The following NUP93 variants were observed in gnomAD, a reference collection of about 807,000 sequenced individuals.
The protein encoded by NUP93 is nucleoporin 93, also known as nuclear pore complex protein Nup93.
In NUP93, 55 loss-of-function variants were observed where a neutral mutation model predicts 107.8. The ratio of observed to expected loss-of-function variants is 0.51; its 90% confidence interval spans 0.41 to 0.64. NUP93 has a LOEUF of 0.64. Ranked by LOEUF, NUP93 falls within the 30% of genes least tolerant of loss-of-function variation. NUP93 has a pLI of 0.00. For missense variants in NUP93, 937 were observed against 1,044.7 expected (o/e 0.90, Z 1.42); for synonymous variants, 390 against 397.5 (o/e 0.98, Z 0.22).
chr16:56,830,430 CAT>C, intron 9 of NUP93, 96 bp from the exon 10 acceptor site: 1 of 1,139,062 alleles, frequency 8.8e-7, no homozygotes, highest in Non-Finnish European at 1.2e-6. Context: ...GATTAAGTGA[CAT>C]ATTATAAAGG....
intron 2 of NUP93, among the ~76,000 whole-genome samples, chr16:56,752,879 G>T (rs1386310945): frequency 6.6e-6 from 1 of 152,018 alleles, no homozygotes; most frequent in Admixed American, 6.6e-5. Flanking sequence ...TTTCAACAAG[G>T]GTACCTAGAC....
chr16:56,754,600 C>T (rs1961984085), intron 2 of NUP93, among the ~76,000 whole-genome samples: 1 of 152,260 alleles, frequency 6.6e-6, no homozygotes. Flanking sequence ...CATGCTTTGG[C>T]TCTGCAGGGT....
At chr16:56,815,196 C>T (rs1331796170) in intron 5 of NUP93, among the ~76,000 whole-genome samples, 2 of 152,148 alleles carry the variant, frequency 1.3e-5, no homozygotes, top group Non-Finnish European at 2.9e-5. Flanking sequence ...CAACTGTGTC[C>T]TTGCAAAAAT....
At chr16:56,842,964 G>A (rs1335285841) in intron 21 of NUP93, among the ~76,000 whole-genome samples, 1 of 152,172 alleles carries the variant, frequency 6.6e-6, no homozygotes, top group Admixed American at 6.5e-5. Flanking sequence ...CAGCCAAGAA[G>A]CCTTGATCTG....
intron 3 of NUP93, among the ~76,000 whole-genome samples, chr16:56,788,064 C>G: frequency 6.6e-6 from 1 of 152,192 alleles, no homozygotes; most frequent in South Asian, 2.1e-4. Flanking sequence ...TTAGCCCTAA[C>G]CTTTTTGGAG....
At chr16:56,733,224 C>A (rs1036760501) in intron 1 of NUP93, among the ~76,000 whole-genome samples, 1 of 151,990 alleles carries the variant, frequency 6.6e-6, no homozygotes, top group Non-Finnish European at 1.5e-5. Context: ...ATGGAGAGCA[C>A]CCTTTATAGC....
chr16:56,839,459 T>C, intron 19 of NUP93, 62 bp from the exon 20 acceptor site: 3 of 1,357,494 alleles, frequency 2.2e-6, no homozygotes, highest in Non-Finnish European at 3.1e-6. Flanking sequence ...TGACTTTACA[T>C]GTAGAGAGAT....
In NUP93 at chr16:56,827,044, C is replaced by CAAAAAAAAAAAAAAAAAAAAAAA. The variant is rs1188027635; in HGVS notation, c.795-1930_795-1908dup. Among the ~76,000 whole-genome samples the CAAAAAAAAAAAAAAAAAAAAAAA allele has an allele frequency of 9.7e-4, 52 of 53,596 alleles. 2 individuals carry two copies. The highest frequency in any genetic ancestry group is 2.4e-3 in the South Asian group (3 of 1,248). 35.2% of individuals were successfully genotyped at this position (53,596 alleles called of 152,430 possible). A position where few individuals can be genotyped will look rare whatever the true frequency, so the allele number is the denominator to read the frequency against. On this transcript the variant is annotated intron_variant, in intron 8 of 21. Transcript: ENST00000308159. ...CTGGGGATGGAATGAGACTCCGTCT[C>CAAAAAAAAAAAAAAAAAAAAAAA]AAAAAAAAAAAAAAAAAAAAAAAAA... is the stretch of plus-strand genomic sequence containing the variant.
intron 5 of NUP93, among the ~76,000 whole-genome samples, chr16:56,816,734 G>A (rs1963440908): frequency 6.6e-6 from 1 of 152,116 alleles, no homozygotes; most frequent in African/African-American, 2.4e-5. Flanking sequence ...ATTCAGTGGT[G>A]TATAGGGATC....
intron 5 of NUP93, among the ~76,000 whole-genome samples, chr16:56,808,565 A>AATACATTTATATAAATATTTATAAATAT (rs1567398923): frequency 2.9e-4 from 36 of 125,510 alleles, no homozygotes; most frequent in African/African-American, 1.1e-3. Context: ...AAAATATATA[A>AATACATTTATATAAATATTTATAAATAT]ATACATTTAT....
chr16:56,795,943 G>A (rs1962888475), intron 3 of NUP93, among the ~76,000 whole-genome samples: 1 of 151,928 alleles, frequency 6.6e-6, no homozygotes, highest in South Asian at 2.1e-4. Flanking sequence ...CACCGCGCTC[G>A]GCCATGGAGT....
chr16:56,737,790 A>G (rs1426545128), intron 1 of NUP93, among the ~76,000 whole-genome samples: 1 of 152,214 alleles, frequency 6.6e-6, no homozygotes, highest in Non-Finnish European at 1.5e-5. Flanking sequence ...TGTAAATGCA[A>G]TGGTTTTAAA....
At chr16:56,768,043 G>T (rs1323461668) in intron 3 of NUP93, among the ~76,000 whole-genome samples, 1 of 152,144 alleles carries the variant, frequency 6.6e-6, no homozygotes, top group African/African-American at 2.4e-5. Context: ...TTAAAATGGG[G>T]TTTGTTAGCT....
chr16:56,832,458 G>A (rs1383993202), intron 12 of NUP93, 70 bp downstream of exon 12: 1 of 1,276,712 alleles, frequency 7.8e-7, no homozygotes, highest in Non-Finnish European at 1.1e-6. Context: ...GTTTTCCTCT[G>A]GGAAAATTTT....
intron 10 of NUP93, chr16:56,831,409 T>A (rs1158832021): frequency 6.4e-6 from 1 of 155,962 alleles, no homozygotes; most frequent in Non-Finnish European, 1.4e-5. Context: ...AAAGTAGGGT[T>A]AATGTCTTAA....
In NUP93 at chr16:56,818,650, G is replaced by A. The variant is rs377325706; in HGVS notation, c.490-14G>A. 5.0e-6 allele frequency: 8 copies of A among 1,609,302 alleles called. No individual in the cohort carries two copies. The African/African-American group carries it at 8.0e-5, about 16-fold the overall frequency. ...ACTGTCCCTAACTGATTCTGAATGT[G>A]TATTTATCCACAGCCAAGCTACATC... On this transcript the variant is annotated splice_polypyrimidine_tract_variant and intron_variant, in intron 5 of 21. Transcript: ENST00000308159.
Position 56,805,642 on chromosome 16 carries a change from A to T in NUP93, c.489+10A>T, listed in dbSNP as rs768014815. ...TACTCAAGAAAGCGAGGTAGCTTGA[A>T]TGCAAAAGATAAACTACTGTTAATA... is the stretch of plus-strand genomic sequence containing the variant. On this transcript the variant is annotated intron_variant, in intron 5 of 21. Transcript: ENST00000308159. 6.2e-7 allele frequency: 1 copy of T among 1,611,794 alleles called. No individual in the cohort carries two copies. Among genetic ancestry groups the T allele is most frequent in the African/African-American group, 1.3e-5 (1 of 74,994 alleles).
chr16:56,806,955 A>G lies in NUP93; in HGVS notation c.489+1323A>G, dbSNP rs193266240. On this transcript the variant is annotated intron_variant, in intron 5 of 21. Coordinates refer to ENST00000308159, the MANE Select transcript of NUP93 (RefSeq NM_014669.5). Reference sequence around the variant, plus strand: ...TGCTACAGTCTCTTCTCAACACAGCAGCAAGAACGCAACTATTAAAGGACA... The same window carrying G: ...TGCTACAGTCTCTTCTCAACACAGCGGCAAGAACGCAACTATTAAAGGACA... Among the ~76,000 whole-genome samples, 553 of 152,306 alleles carry G rather than the reference A, an allele frequency of 3.6e-3. 11 individuals are homozygous for G. The highest frequency in any genetic ancestry group is 7.9e-4 in the Non-Finnish European group (54 of 68,018).
At chr16:56,765,003 C>G (rs1962192251) in intron 3 of NUP93, among the ~76,000 whole-genome samples, 1 of 152,220 alleles carries the variant, frequency 6.6e-6, no homozygotes, top group Admixed American at 6.5e-5. Context: ...TTAAGAGTTG[C>G]ATCTGTTTGC....
Sources: allele counts gnomAD v4.1 joint callset (sites outside exome capture counted in the v4.1 genomes callset), GRCh38; gene constraint gnomAD v4.1.1; transcripts MANE v1.5; gene names NCBI Gene and HGNC (gene_info 2026-07-23, HGNC 2026-07-21).